ATP9B: variants seen among roughly 807,000 people sequenced by gnomAD.
The protein encoded by ATP9B is ATPase phospholipid transporting 9B, also known as probable phospholipid-transporting ATPase IIB.
A neutral mutation model predicts 146.1 loss-of-function variants in ATP9B; 110 were observed. That is an observed-to-expected ratio of 0.75 (90% CI 0.65 to 0.88). The LOEUF (loss-of-function observed/expected upper bound fraction) is 0.88. Ranked by LOEUF, ATP9B falls within the 40% of genes least tolerant of loss-of-function variation. The pLI is 0.00. For missense variants in ATP9B, 1,499 were observed against 1,496.4 expected, an observed-to-expected ratio of 1.00 and a Z score of -0.03; for synonymous variants, 604 against 569.7, an observed-to-expected ratio of 1.06 and a Z score of -0.86.
At chr18:79,187,871 A>G (rs1045209625) in intron 8 of ATP9B, among the ~76,000 whole-genome samples, 1 of 152,238 alleles carries the variant, frequency 6.6e-6, no homozygotes, top group Non-Finnish European at 1.5e-5. Context: ...AAAATAGTAA[A>G]TATGTCTTCT....
chr18:79,164,644 G>A (rs773831206), intron 7 of ATP9B, among the ~76,000 whole-genome samples: 3 of 152,130 alleles, frequency 2.0e-5, no homozygotes, highest in Non-Finnish European at 2.9e-5. Context: ...GTGTGAACCC[G>A]GGAGGTGGAG....
At chr18:79,309,622 C>T (rs113091923) in intron 15 of ATP9B, among the ~76,000 whole-genome samples, 6 of 143,836 alleles carry the variant, frequency 4.2e-5, no homozygotes, top group Non-Finnish European at 6.1e-5. Flanking sequence ...GAGGAGTGAT[C>T]CCCAGCAGGT....
Position 79,307,206 on chromosome 18 carries a change from G to A in ATP9B, c.1745G>A (p.Arg582His), listed in dbSNP as rs760828032. The change falls in exon 15 of 30, where the codon CGC becomes CAC. Residue 582 changes from arginine (R) to histidine (H), a missense_variant. Transcript: ENST00000426216. Reference protein sequence around the residue: ...EADQDFSDENRTYQASSPDEV... With the variant: ...EADQDFSDENHTYQASSPDEV... ...GACCAAGACTTCAGTGATGAGAATC[G>A]CACCTACCAGGCTTCCAGCCCGGAT... 3.8e-5 allele frequency: 61 copies of A among 1,614,064 alleles called. No individual in the cohort carries two copies. Among genetic ancestry groups the A allele is most frequent in the Non-Finnish European group, 4.9e-5 (58 of 1,180,038 alleles).
At chr18:79,086,957 G>A (rs761153214) in intron 1 of ATP9B, among the ~76,000 whole-genome samples, 2 of 151,964 alleles carry the variant, frequency 1.3e-5, no homozygotes, top group Non-Finnish European at 2.9e-5. Context: ...TTAACATCTT[G>A]CCCTTTGTCT....
At chr18:79,249,261 A>G (rs1344855304) in intron 11 of ATP9B, among the ~76,000 whole-genome samples, 6 of 152,222 alleles carry the variant, frequency 3.9e-5, no homozygotes, top group Non-Finnish European at 8.8e-5. Flanking sequence ...TAGATTATAC[A>G]GGCAATTATT....
chr18:79,154,373 G>A, intron 6 of ATP9B, 131 bp from the exon 7 acceptor site: 1 of 637,896 alleles, frequency 1.6e-6, no homozygotes, highest in Admixed American at 3.2e-5. Context: ...TACAAATTGT[G>A]TTAGTTATTT....
chr18:79,084,552 TG>T (rs1394421798), intron 1 of ATP9B, among the ~76,000 whole-genome samples: 2 of 149,580 alleles, frequency 1.3e-5, no homozygotes. Context: ...AAAAAAAAAA[TG>T]TAAGCGTATT....
intron 13 of ATP9B, among the ~76,000 whole-genome samples, chr18:79,299,091 C>T (rs757233488): frequency 8.5e-5 from 13 of 152,208 alleles, no homozygotes; most frequent in African/African-American, 2.2e-4. Context: ...TCATCCTTCA[C>T]GTAGACCTTG....
At chr18:79,076,724 T>C (rs2146444271) in intron 1 of ATP9B, among the ~76,000 whole-genome samples, 1 of 152,302 alleles carries the variant, frequency 6.6e-6, no homozygotes, top group African/African-American at 2.4e-5. Context: ...TTGCAGCCAT[T>C]CTTTGAGTGC....
At chr18:79,088,657 C>T (rs923212564) in intron 1 of ATP9B, among the ~76,000 whole-genome samples, 1 of 152,194 alleles carries the variant, frequency 6.6e-6, no homozygotes, top group African/African-American at 2.4e-5. Context: ...TTTCTCCTAA[C>T]ACATTTACTT....
At chr18:79,182,649 CATATT>C (rs60404156) in intron 8 of ATP9B, among the ~76,000 whole-genome samples, 83,952 of 151,460 alleles carry the variant, frequency 0.55, 24,895 homozygotes, top group African/African-American at 0.79. Context: ...GGACAAGTCT[CATATT>C]AGTTACCACA....
At chr18:79,090,218 G>A (rs1007346698) in intron 1 of ATP9B, among the ~76,000 whole-genome samples, 2 of 152,172 alleles carry the variant, frequency 1.3e-5, no homozygotes, top group Non-Finnish European at 2.9e-5. Context: ...GTTGTAAACA[G>A]TGCTGCAACA....
In ATP9B at chr18:79,097,333, C is replaced by T. The variant is rs563015803; in HGVS notation, c.293+684C>T. 7.4e-4 allele frequency among the ~76,000 whole-genome samples: 112 copies of T among 151,754 alleles called. 1 individual carries two copies. Among genetic ancestry groups the T allele is most frequent in the African/African-American group, 2.7e-3 (110 of 41,472 alleles). On this transcript the variant is annotated intron_variant, in intron 2 of 29. Coordinates refer to ENST00000426216, the MANE Select transcript of ATP9B (RefSeq NM_198531.5). ...TACTCAGATTCACCTATATTTTTCC[C>T]CACATTTTGCTACATTTATTTTATT...
intron 13 of ATP9B, among the ~76,000 whole-genome samples, chr18:79,292,249 T>C (rs1463292009): frequency 2.6e-5 from 4 of 152,152 alleles, no homozygotes; most frequent in Non-Finnish European, 5.9e-5. Flanking sequence ...GGCGTCCACA[T>C]TGTAAAGGAG....
At chr18:79,360,515 CTCTA>C (rs1421882765) in intron 26 of ATP9B, 2 of 152,156 alleles carry the variant, frequency 1.3e-5, no homozygotes, top group South Asian at 2.1e-4. Context: ...ACAAACGATA[CTCTA>C]TCTAATACAG....
At chr18:79,181,785 C>T (rs924720174) in intron 8 of ATP9B, among the ~76,000 whole-genome samples, 3 of 152,134 alleles carry the variant, frequency 2.0e-5, no homozygotes, top group African/African-American at 7.2e-5. Context: ...AATACCTTTT[C>T]TATTCTTTCC....
At chr18:79,330,914 T>G (rs532752121) in intron 17 of ATP9B, among the ~76,000 whole-genome samples, 2 of 152,236 alleles carry the variant, frequency 1.3e-5, no homozygotes, top group Non-Finnish European at 2.9e-5. Flanking sequence ...CATAAATATT[T>G]GCAAGATTTT....
At chr18:79,216,451 G>T (rs565932659) in intron 11 of ATP9B, among the ~76,000 whole-genome samples, 3 of 152,180 alleles carry the variant, frequency 2.0e-5, no homozygotes, top group Non-Finnish European at 4.4e-5. Flanking sequence ...TCATGCACAC[G>T]TTGCTCTTAG....
intron 7 of ATP9B, among the ~76,000 whole-genome samples, chr18:79,168,490 G>A (rs978690550): frequency 4.0e-5 from 6 of 151,686 alleles, no homozygotes; most frequent in South Asian, 2.1e-4. Context: ...TAATGGGTTT[G>A]GAGTTAGATG....
Sources: allele counts gnomAD v4.1 joint callset (sites outside exome capture counted in the v4.1 genomes callset), GRCh38; gene constraint gnomAD v4.1.1; transcripts MANE v1.5; gene names NCBI Gene and HGNC (gene_info 2026-07-23, HGNC 2026-07-21).